Variants in COLGALT2 observed in about 807,000 individuals in gnomAD.
COLGALT2 encodes procollagen galactosyltransferase 2.
COLGALT2 carries 49 observed loss-of-function variants against 73.4 expected under a neutral mutation model. The ratio of observed to expected loss-of-function variants is 0.67; its 90% confidence interval spans 0.53 to 0.85. The LOEUF (loss-of-function observed/expected upper bound fraction) is 0.85, where lower values mean the gene tolerates loss of function less well. Ranked by LOEUF, COLGALT2 falls within the 40% of genes least tolerant of loss-of-function variation. COLGALT2 has a pLI of 0.00. For missense variants in COLGALT2, 722 were observed against 790.2 expected (o/e 0.91, Z 1.03); for synonymous variants, 295 against 307.6 (o/e 0.96, Z 0.43).
chr1:183,963,802 T>A (rs1670787532), intron 6 of COLGALT2, 99 bp downstream of exon 6: 1 of 1,282,886 alleles, frequency 7.8e-7, no homozygotes, highest in Non-Finnish European at 1.1e-6. Context: ...GGGAGACTGA[T>A]GGCTGTGAGA....
chr1:183,929,689 G>C (rs1669797056), downstream of COLGALT2, among the ~76,000 whole-genome samples: 1 of 152,238 alleles, frequency 6.6e-6, no homozygotes, highest in South Asian at 2.1e-4. Context: ...GGAGGTTCCT[G>C]ACTCAAACCT....
chr1:183,978,098 T>C (rs1435833564), intron 2 of COLGALT2, among the ~76,000 whole-genome samples: 1 of 152,182 alleles, frequency 6.6e-6, no homozygotes, highest in Non-Finnish European at 1.5e-5. Flanking sequence ...ATTTTCAATA[T>C]GATCCTCCAA....
intron 5 of COLGALT2, among the ~76,000 whole-genome samples, chr1:183,965,485 AGAG>A (rs1670842125): frequency 1.3e-5 from 2 of 152,146 alleles, no homozygotes; most frequent in African/African-American, 4.8e-5. Flanking sequence ...AAAGGAAGGA[AGAG>A]GAGGAGGAGG....
At chr1:184,029,680 A>T (rs1203857678) in intron 1 of COLGALT2, among the ~76,000 whole-genome samples, 1 of 152,240 alleles carries the variant, frequency 6.6e-6, no homozygotes, top group East Asian at 1.9e-4. Flanking sequence ...GAACTTTTGG[A>T]TAAATATTAC....
At chr1:183,932,505 G>A (rs528813486), downstream of COLGALT2, among the ~76,000 whole-genome samples, 51 of 152,180 alleles carry the variant, frequency 3.4e-4, no homozygotes, top group African/African-American at 1.1e-3. Context: ...TGGTCCAGAC[G>A]TGAAACTCTT....
At chr1:183,991,887 G>A (rs932950039) in intron 1 of COLGALT2, among the ~76,000 whole-genome samples, 3 of 151,938 alleles carry the variant, frequency 2.0e-5, no homozygotes, top group Admixed American at 2.0e-4. Context: ...TTCTATTCTG[G>A]AAAACTACTG....
intron 7 of COLGALT2, 113 bp from the exon 8 acceptor site, chr1:183,951,226 A>C: frequency 1.4e-6 from 1 of 730,024 alleles, no homozygotes; most frequent in Non-Finnish European, 2.4e-6. Context: ...AAAGATAGGA[A>C]GAACTGTCGT....
chr1:183,940,366 G>A (rs1471714216), intron 11 of COLGALT2, among the ~76,000 whole-genome samples: 1 of 152,190 alleles, frequency 6.6e-6, no homozygotes, highest in Non-Finnish European at 1.5e-5. Context: ...GATATTACAA[G>A]AATCTCTGGG....
chr1:184,008,985 T>C (rs1247302067), intron 1 of COLGALT2, among the ~76,000 whole-genome samples: 1 of 152,194 alleles, frequency 6.6e-6, no homozygotes, highest in African/African-American at 2.4e-5. Context: ...TTCTGTAATG[T>C]TTGAAATTAT....
intron 6 of COLGALT2, among the ~76,000 whole-genome samples, chr1:183,961,449 C>T (rs542728843): frequency 1.4e-4 from 21 of 152,108 alleles, no homozygotes; most frequent in East Asian, 3.9e-4. Context: ...ACTTGGGAGT[C>T]GAGACCGAGA....
At chr1:183,982,076 G>A (rs1449967373) in intron 1 of COLGALT2, among the ~76,000 whole-genome samples, 1 of 152,212 alleles carries the variant, frequency 6.6e-6, no homozygotes, top group African/African-American at 2.4e-5. Context: ...ACTTTCAAGT[G>A]TCTTCTTGAA....
chr1:183,940,510 A>G (rs1670077184), intron 11 of COLGALT2, 71 bp downstream of exon 11: 2 of 1,323,418 alleles, frequency 1.5e-6, no homozygotes, highest in Non-Finnish European at 1.1e-6. Flanking sequence ...ATCAAGTACT[A>G]CCAGAAATGG....
intron 1 of COLGALT2, among the ~76,000 whole-genome samples, chr1:184,025,267 C>T (rs979896406): frequency 2.6e-5 from 4 of 152,202 alleles, no homozygotes; most frequent in Non-Finnish European, 4.4e-5. Flanking sequence ...CTTTGATGCC[C>T]GTCAAAGCTT....
chr1:183,945,687 C>T (rs867619721), intron 8 of COLGALT2, 123 bp from the exon 9 acceptor site: 3 of 1,143,850 alleles, frequency 2.6e-6, no homozygotes, highest in East Asian at 2.4e-5. Context: ...AGAGAGGCTT[C>T]CCTTTATTCC....
chr1:184,036,539 C>G (rs774180620), intron 1 of COLGALT2, among the ~76,000 whole-genome samples: 25 of 152,152 alleles, frequency 1.6e-4, no homozygotes, highest in Non-Finnish European at 3.4e-4. Flanking sequence ...GTCCAGGTCC[C>G]CCTAGGAGAG....
intron 1 of COLGALT2, among the ~76,000 whole-genome samples, chr1:184,005,292 C>T (rs929981629): frequency 3.3e-5 from 5 of 152,254 alleles, no homozygotes; most frequent in Admixed American, 2.0e-4. Context: ...CACCTTCTCA[C>T]ACAGGACCTC....
Position 184,034,008 on chromosome 1 carries a change from T to C in COLGALT2, c.263+3087A>G, listed in dbSNP as rs139677634. On this transcript the variant is annotated intron_variant, in intron 1 of 11. Transcript: ENST00000361927. ...TACTAATCAGTTTGGCATCTTGGAA[T>C]GTTGCATAGAGCTTGGGAATGAGAA... Among the ~76,000 whole-genome samples the C allele has an allele frequency of 1.1e-4, 17 of 152,350 alleles. No individual in the cohort carries two copies. In the East Asian group the frequency reaches 2.5e-3, roughly 22 times the overall value.
intron 2 of COLGALT2, among the ~76,000 whole-genome samples, chr1:183,978,164 CT>C: frequency 6.6e-6 from 1 of 152,044 alleles, no homozygotes; most frequent in East Asian, 1.9e-4. Flanking sequence ...AAAATATAAA[CT>C]GTCATGGCAA....
intron 1 of COLGALT2, among the ~76,000 whole-genome samples, chr1:184,024,520 T>G (rs1171178789): frequency 1.3e-5 from 2 of 151,806 alleles, no homozygotes; most frequent in African/African-American, 4.8e-5. Context: ...ACCCGGCTAA[T>G]TTTTGTATTT....
Sources: gnomAD v4.1 joint callset for allele counts (sites outside exome capture counted in the v4.1 genomes callset) on GRCh38, gnomAD v4.1.1 for gene constraint, MANE v1.5 for transcripts, NCBI Gene and HGNC (gene_info 2026-07-23, HGNC 2026-07-21) for gene names.